Variants in RTN1 observed in about 807,000 individuals in gnomAD.
RTN1 encodes the protein reticulon 1, also known as reticulon-1.
Under a neutral mutation model 65.5 loss-of-function variants are expected in RTN1, and 25 were observed. The observed-to-expected ratio is 0.38, with a 90% CI of 0.28 to 0.53. RTN1 has a LOEUF of 0.53. Ranked by LOEUF, RTN1 falls within the 20% of genes least tolerant of loss-of-function variation. The probability of loss-of-function intolerance (pLI) is 0.79; values close to 1 mark genes in which losing one functional copy is unlikely to be tolerated. For missense variants in RTN1, 983 were observed against 1,025.4 expected, an observed-to-expected ratio of 0.96 and a Z score of 0.57; for synonymous variants, 471 against 447.6, an observed-to-expected ratio of 1.05 and a Z score of -0.66.
chr14:59,725,261 A>T (rs1413724839), intron 3 of RTN1, among the ~76,000 whole-genome samples: 6 of 152,090 alleles, frequency 3.9e-5, no homozygotes, highest in African/African-American at 1.2e-4. Flanking sequence ...TAGCCCTCAG[A>T]TTTATCTACT....
intron 3 of RTN1, among the ~76,000 whole-genome samples, chr14:59,656,560 T>C (rs1280119089): frequency 6.6e-6 from 1 of 152,164 alleles, no homozygotes; most frequent in South Asian, 2.1e-4. Flanking sequence ...CAATCTAGAA[T>C]TGGCAGCTTT....
At chr14:59,747,853 A>G (rs541052479) in intron 1 of RTN1, among the ~76,000 whole-genome samples, 93 of 152,272 alleles carry the variant, frequency 6.1e-4, no homozygotes, top group African/African-American at 2.2e-3. Context: ...AGTACGTACA[A>G]TATCAAAGGT....
At chr14:59,835,265 T>C (rs1416279293) in intron 1 of RTN1, among the ~76,000 whole-genome samples, 1 of 151,884 alleles carries the variant, frequency 6.6e-6, no homozygotes, top group African/African-American at 2.4e-5. Context: ...AAATAGCATA[T>C]ATGGTATGAT....
intron 1 of RTN1, among the ~76,000 whole-genome samples, chr14:59,827,677 A>C (rs1157641792): frequency 6.6e-6 from 1 of 152,164 alleles, no homozygotes; most frequent in African/African-American, 2.4e-5. Flanking sequence ...TATCCCTCAC[A>C]AATAATTAGC....
chr14:59,634,391 A>G (rs971024180), intron 3 of RTN1, among the ~76,000 whole-genome samples: 1 of 152,244 alleles, frequency 6.6e-6, no homozygotes, highest in Non-Finnish European at 1.5e-5. Flanking sequence ...TCTATGCCAT[A>G]TGGAATAAGG....
chr14:59,747,712 A>C (rs751243128), intron 1 of RTN1, among the ~76,000 whole-genome samples: 5 of 152,358 alleles, frequency 3.3e-5, no homozygotes, highest in Non-Finnish European at 5.9e-5. Flanking sequence ...CAGAGCATAC[A>C]TTGAGGCGTC....
At chr14:59,622,278 T>A (rs958078650) in intron 3 of RTN1, among the ~76,000 whole-genome samples, 1 of 152,122 alleles carries the variant, frequency 6.6e-6, no homozygotes, top group Non-Finnish European at 1.5e-5. Context: ...GAGGTAGAGG[T>A]TGCAGTGAGC....
chr14:59,661,135 T>C (rs1179364458), intron 3 of RTN1, among the ~76,000 whole-genome samples: 1 of 151,060 alleles, frequency 6.6e-6, no homozygotes, highest in Non-Finnish European at 1.5e-5. Flanking sequence ...TGAGAAAATC[T>C]AGAAGAAATG....
intron 3 of RTN1, among the ~76,000 whole-genome samples, chr14:59,698,468 C>A (rs1884109432): frequency 6.6e-6 from 1 of 152,050 alleles, no homozygotes; most frequent in Non-Finnish European, 1.5e-5. Flanking sequence ...TCTTGAACTC[C>A]CACGTGTTGT....
rs570625154 is a variant in RTN1 at position 59,827,139 on chromosome 14, C to T, written c.241+43251G>A. 8.5e-5 allele frequency among the ~76,000 whole-genome samples: 13 copies of T among 152,186 alleles called. No homozygotes were observed. The East Asian group carries it at 1.2e-3, about 14-fold the overall frequency. ...TGTCACCCAGGCTGGAGTACAGTGGCGTGATCTCGGCTCACTGCGAGCTCT... is the reference window on the plus strand; with the variant it reads ...TGTCACCCAGGCTGGAGTACAGTGGTGTGATCTCGGCTCACTGCGAGCTCT... On this transcript the variant is annotated intron_variant, in intron 1 of 8. Coordinates refer to ENST00000267484, the MANE Select transcript of RTN1 (RefSeq NM_021136.3).
rs577470181 is a variant in RTN1, at chr14:59,827,538, A to G, written c.241+42852T>C. On this transcript the variant is annotated intron_variant, in intron 1 of 8. Coordinates refer to ENST00000267484, the MANE Select transcript of RTN1 (RefSeq NM_021136.3). ...CACTCTGCTCATACCCAATCCTAGCAACTAGTCATGGAAACATTATTTAGA... is the reference window on the plus strand; with the variant it reads ...CACTCTGCTCATACCCAATCCTAGCGACTAGTCATGGAAACATTATTTAGA... 2.0e-5 allele frequency among the ~76,000 whole-genome samples: 3 copies of G among 152,298 alleles called. No individual in the cohort carries two copies. The South Asian group carries it at 6.2e-4, about 32-fold the overall frequency.
rs1280461075 is a variant in RTN1 at position 59,816,420 on chromosome 14, G to A, written c.241+53970C>T. On this transcript the variant is annotated intron_variant, in intron 1 of 8. Transcript: ENST00000267484. The surrounding 1 kb of genome is among the most constrained non-coding windows in gnomAD (Gnocchi z 4.3). ...AATTGCCTGCCTTCTCCAATCCTCG[G>A]AGAGCTCCTAGGAAACAAGAATGGA... Among the ~76,000 whole-genome samples the A allele has an allele frequency of 6.6e-6, 1 of 152,142 alleles. No individual in the cohort carries two copies. Among genetic ancestry groups the A allele is most frequent in the African/African-American group, 2.4e-5 (1 of 41,428 alleles).
intron 2 of RTN1, among the ~76,000 whole-genome samples, chr14:59,744,279 G>A (rs1198329134): frequency 2.0e-5 from 3 of 152,146 alleles, no homozygotes. Context: ...TTGGGATATG[G>A]TAGAATGCCA....
rs868021370 is a variant in RTN1 at position 59,749,579 on chromosome 14, A to C, written c.242-3098T>G. ...GATATCTATATATAGATATATATAT[A>C]TAGATATTTATATATATATCTATCT... On this transcript the variant is annotated intron_variant, in intron 1 of 8. Transcript: ENST00000267484. Among the ~76,000 whole-genome samples the C allele has an allele frequency of 2.4e-4, 9 of 37,092 alleles. 1 individual carries two copies. The highest frequency in any genetic ancestry group is 1.4e-3 in the African/African-American group (6 of 4,318). The allele number at this position is 37,092 out of a possible 152,430, so 24.3% of individuals were successfully genotyped here.
intron 1 of RTN1, among the ~76,000 whole-genome samples, chr14:59,814,756 A>G (rs1886789658): frequency 6.6e-6 from 1 of 152,234 alleles, no homozygotes; most frequent in Non-Finnish European, 1.5e-5. Context: ...GGCTACTACA[A>G]GCAACCCAAA....
At chr14:59,725,471 C>A (rs6573282) in intron 3 of RTN1, among the ~76,000 whole-genome samples, 10,228 of 152,224 alleles carry the variant, frequency 0.067, 1,111 homozygotes, top group African/African-American at 0.23. Flanking sequence ...TGGTTCCCTG[C>A]AAGCTGCAGC....
At chr14:59,603,147 T>C in intron 7 of RTN1, 24 bp from the exon 8 acceptor site, 1 of 1,609,984 alleles carries the variant, frequency 6.2e-7, no homozygotes, top group African/African-American at 1.3e-5. Context: ...AAAAAAATAA[T>C]GAGCATATCC....
intron 3 of RTN1, among the ~76,000 whole-genome samples, chr14:59,661,705 A>T (rs1040427163): frequency 9.9e-5 from 15 of 152,122 alleles, no homozygotes; most frequent in Non-Finnish European, 1.3e-4. Flanking sequence ...TCAACACCCC[A>T]TTCATGCTAA....
chr14:59,834,756 T>A (rs1887185648), intron 1 of RTN1, among the ~76,000 whole-genome samples: 1 of 152,048 alleles, frequency 6.6e-6, no homozygotes, highest in Non-Finnish European at 1.5e-5. Context: ...AAACAAAAAA[T>A]TCAAAATGAT....
Sources: allele counts gnomAD v4.1 joint callset (sites outside exome capture counted in the v4.1 genomes callset), GRCh38; gene constraint gnomAD v4.1.1; non-coding constraint Gnocchi (gnomAD v3.1); transcripts MANE v1.5; gene names NCBI Gene and HGNC (gene_info 2026-07-23, HGNC 2026-07-21).